LRRC4C: variants seen among roughly 807,000 people sequenced by gnomAD.
The protein encoded by LRRC4C is leucine rich repeat containing 4C.
In LRRC4C, 5 loss-of-function variants were observed where a neutral mutation model predicts 33.6. That is an observed-to-expected ratio of 0.15 (90% CI 0.08 to 0.31). LRRC4C has a LOEUF of 0.31. LRRC4C is among the 10% of genes least tolerant of loss of function. LRRC4C has a pLI of 1.00. For missense variants in LRRC4C, 560 were observed against 796.7 expected (o/e 0.70, Z 3.58); for synonymous variants, 329 against 302.0 (o/e 1.09, Z -0.93).
chr11:40,245,076 A>G (rs1347442523), intron 4 of LRRC4C, among the ~76,000 whole-genome samples: 1 of 152,104 alleles, frequency 6.6e-6, no homozygotes, highest in Non-Finnish European at 1.5e-5. Context: ...AAAAATCCTG[A>G]TATTTTTCAT....
At chr11:40,607,230 G>T (rs1297374777) in intron 3 of LRRC4C, among the ~76,000 whole-genome samples, 2 of 152,134 alleles carry the variant, frequency 1.3e-5, no homozygotes, top group Non-Finnish European at 2.9e-5. Context: ...AATCGAAATT[G>T]GTACAGGATG....
At chr11:40,615,024 G>A (rs1181576297) in intron 3 of LRRC4C, among the ~76,000 whole-genome samples, 1 of 151,410 alleles carries the variant, frequency 6.6e-6, no homozygotes, top group Non-Finnish European at 1.5e-5. Flanking sequence ...CGTGCTGTTG[G>A]ATAAGTGGTG....
At chr11:40,647,765 C>T (rs1942554663) in intron 3 of LRRC4C, among the ~76,000 whole-genome samples, 1 of 152,170 alleles carries the variant, frequency 6.6e-6, no homozygotes, top group Admixed American at 6.5e-5. Context: ...TCACCATTTG[C>T]CTGCCTGTTT....
intron 1 of LRRC4C, among the ~76,000 whole-genome samples, chr11:40,973,434 A>G (rs1307816289): frequency 1.3e-5 from 2 of 152,192 alleles, no homozygotes; most frequent in Non-Finnish European, 2.9e-5. Context: ...AAGAAATATG[A>G]AGAGTTTTTC....
At chr11:40,703,851 G>A (rs1946007366) in intron 2 of LRRC4C, among the ~76,000 whole-genome samples, 1 of 152,096 alleles carries the variant, frequency 6.6e-6, no homozygotes, top group African/African-American at 2.4e-5. Context: ...CTCTATGTTT[G>A]CTATATCAAT....
intron 1 of LRRC4C, among the ~76,000 whole-genome samples, chr11:41,340,525 A>G (rs1360241722): frequency 2.6e-5 from 4 of 152,166 alleles, no homozygotes; most frequent in Non-Finnish European, 5.9e-5. Flanking sequence ...CCTCTTGGTT[A>G]AACTAATAGA....
At position 41,029,378 on chromosome 11, in the gene LRRC4C, C is replaced by G. The variant is rs549281623; in HGVS notation, c.-495-95655G>C. ...TAAAACAATATGTGGGCCTATCAGT[C>G]AAGCAAAATATATTCTAAGGGGTAT... On this transcript the variant is annotated intron_variant, in intron 1 of 6. Coordinates refer to ENST00000528697, the MANE Select transcript of LRRC4C (RefSeq NM_001258419.2). Among the ~76,000 whole-genome samples the G allele has an allele frequency of 7.2e-5, 11 of 151,894 alleles. No individual in the cohort carries two copies. The South Asian group carries it at 1.7e-3, about 23-fold the overall frequency.
At chr11:40,209,921 T>C (rs928343661) in intron 5 of LRRC4C, among the ~76,000 whole-genome samples, 4 of 152,014 alleles carry the variant, frequency 2.6e-5, no homozygotes, top group African/African-American at 9.7e-5. Context: ...GAAGAAAGAA[T>C]AAAACTTTGC....
intron 1 of LRRC4C, among the ~76,000 whole-genome samples, chr11:41,004,964 T>C (rs899494412): frequency 6.6e-6 from 1 of 151,664 alleles, no homozygotes; most frequent in Non-Finnish European, 1.5e-5. Flanking sequence ...AGTTCTTCAG[T>C]TTTTCTGTTG....
chr11:40,910,383 G>C (rs1255203668), intron 2 of LRRC4C, among the ~76,000 whole-genome samples: 1 of 152,096 alleles, frequency 6.6e-6, no homozygotes, highest in African/African-American at 2.4e-5. Flanking sequence ...ACCCGGAGAT[G>C]TTCTTTAAGA....
At position 40,159,672 on chromosome 11, in the gene LRRC4C, T is replaced by C. The variant is rs369270699; in HGVS notation, c.-95-18819A>G. 2.4e-4 allele frequency among the ~76,000 whole-genome samples: 37 copies of C among 152,314 alleles called. 2 individuals carry two copies. The highest frequency in any genetic ancestry group is 8.7e-4 in the African/African-American group (36 of 41,570). ...GTAGTTTTAATCATTCTAAATTAATTTGAATCACTTCCGTACAAATACTAC... is the reference window on the plus strand; with the variant it reads ...GTAGTTTTAATCATTCTAAATTAATCTGAATCACTTCCGTACAAATACTAC... On this transcript the variant is annotated intron_variant, in intron 5 of 6. Transcript: ENST00000528697.
intron 2 of LRRC4C, among the ~76,000 whole-genome samples, chr11:40,819,327 G>A (rs1046868534): frequency 6.6e-6 from 1 of 152,040 alleles, no homozygotes; most frequent in African/African-American, 2.4e-5. Flanking sequence ...AATCTGAGAG[G>A]CATTTACAGA....
At chr11:40,437,304 G>A (rs1951182037) in intron 3 of LRRC4C, among the ~76,000 whole-genome samples, 1 of 151,982 alleles carries the variant, frequency 6.6e-6, no homozygotes. Context: ...CCTACAGTCT[G>A]TTTTCCTCAG....
intron 5 of LRRC4C, among the ~76,000 whole-genome samples, chr11:40,175,029 A>T (rs1317279059): frequency 6.6e-6 from 1 of 152,210 alleles, no homozygotes; most frequent in Non-Finnish European, 1.5e-5. Context: ...GATCTAGAAT[A>T]TAGTTAGAAA....
chr11:40,326,552 G>A (rs114115970), intron 3 of LRRC4C, among the ~76,000 whole-genome samples: 263 of 141,436 alleles, frequency 1.9e-3, no homozygotes, highest in Non-Finnish European at 2.0e-3. Flanking sequence ...CTTCTCAAAA[G>A]AAAAAAAAAA....
chr11:41,267,479 G>A (rs1322788138), intron 1 of LRRC4C, among the ~76,000 whole-genome samples: 13 of 152,110 alleles, frequency 8.5e-5, no homozygotes, highest in Admixed American at 7.9e-4. Flanking sequence ...TTGCAGGACT[G>A]TTGCAGGTAC....
intron 1 of LRRC4C, among the ~76,000 whole-genome samples, chr11:41,105,279 C>T (rs565172108): frequency 6.6e-6 from 1 of 152,104 alleles, no homozygotes; most frequent in South Asian, 2.1e-4. Flanking sequence ...TGAAAAACTT[C>T]TATGCATTAT....
At position 41,076,951 on chromosome 11, in the gene LRRC4C, G is replaced by T. The variant is rs1369596266; in HGVS notation, c.-495-143228C>A. Among the ~76,000 whole-genome samples the T allele has an allele frequency of 3.3e-5, 5 of 152,172 alleles. No homozygotes were observed. The East Asian group carries it at 9.7e-4, about 29-fold the overall frequency. The stretch of plus-strand genomic sequence containing the variant: ...AAATGGGAGAAATTGGCCAAAAAAG[G>T]GGGGTCACAGGCCCAATGCAAGTCC... On this transcript the variant is annotated intron_variant, in intron 1 of 6. Coordinates refer to ENST00000528697, the MANE Select transcript of LRRC4C (RefSeq NM_001258419.2).
intron 2 of LRRC4C, among the ~76,000 whole-genome samples, chr11:40,925,808 G>A (rs561683487): frequency 7.9e-5 from 12 of 152,076 alleles, no homozygotes; most frequent in Non-Finnish European, 1.8e-4. Context: ...ATTCTACTAT[G>A]TGCCAGGCAT....
Sources: gnomAD v4.1 joint callset for allele counts (sites outside exome capture counted in the v4.1 genomes callset) on GRCh38, gnomAD v4.1.1 for gene constraint, MANE v1.5 for transcripts, NCBI Gene and HGNC (gene_info 2026-07-23, HGNC 2026-07-21) for gene names.